NADK: variants seen among roughly 807,000 people sequenced by gnomAD.
The protein encoded by NADK is NAD kinase, also known as poly(P)/ATP NAD kinase.
Under a neutral mutation model 49.8 loss-of-function variants are expected in NADK, and 22 were observed. The observed-to-expected ratio is 0.44, with a 90% CI of 0.32 to 0.63. The LOEUF (loss-of-function observed/expected upper bound fraction) is 0.63. Among genes scored for constraint, NADK ranks in the 30% least tolerant of loss-of-function variants. The pLI is 0.06. For missense variants in NADK, 438 were observed against 609.4 expected (o/e 0.72, Z 2.96); for synonymous variants, 268 against 253.7 (o/e 1.06, Z -0.54).
intron 7 of NADK, 87 bp downstream of exon 7, chr1:1,755,287 A>C: frequency 2.2e-6 from 2 of 925,024 alleles, no homozygotes. Context: ...TCCATGCATC[A>C]TTAAATGAAA....
chr1:1,773,491 T>C (rs1397076522), intron 1 of NADK, among the ~76,000 whole-genome samples: 1 of 150,450 alleles, frequency 6.6e-6, no homozygotes, highest in Admixed American at 6.6e-5. Flanking sequence ...TGGCTCACAC[T>C]TGTAATCCCA....
chr1:1,754,640 C>T lies in NADK; in HGVS notation c.747G>A (p.Arg249=), dbSNP rs1300925595. ...RLKVRVVKEL[R]GKKTAVHNGL... is the part of the protein sequence containing the mutation. ...CATTGTGCACGGCCGTCTTCTTCCC[C>T]CGGAGCTCCTTCACCACCCTGACCT... Residue 249 remains arginine (R), a synonymous_variant, in exon 8 of 12, where the codon CGG becomes CGA. Transcript: ENST00000341426. The surrounding 1 kb of genome is among the most constrained non-coding windows in gnomAD (Gnocchi z 4.3). 3.1e-6 allele frequency: 5 copies of T among 1,613,956 alleles called. No individual in the cohort carries two copies. The highest frequency in any genetic ancestry group is 1.7e-6 in the Non-Finnish European group (2 of 1,180,004).
intron 1 of NADK, among the ~76,000 whole-genome samples, chr1:1,773,267 G>A (rs945391149): frequency 6.6e-6 from 1 of 151,028 alleles, no homozygotes; most frequent in African/African-American, 2.4e-5. Flanking sequence ...AGCCTCCTGA[G>A]TAGCTGGGAT....
chr1:1,756,213 C>G (rs767595722), intron 6 of NADK, 45 bp downstream of exon 6: 1 of 1,547,880 alleles, frequency 6.5e-7, no homozygotes, highest in Non-Finnish European at 8.9e-7. Context: ...TTACGCAGCA[C>G]CTAGACTAGA....
At chr1:1,767,527 TA>T (rs1262788394) in intron 1 of NADK, among the ~76,000 whole-genome samples, 3 of 152,006 alleles carry the variant, frequency 2.0e-5, no homozygotes, top group African/African-American at 7.3e-5. Flanking sequence ...ACAGAAACAA[TA>T]AAAATCACTC....
At chr1:1,757,377 T>C in intron 3 of NADK, 67 bp from the exon 4 acceptor site, 1 of 1,383,874 alleles carries the variant, frequency 7.2e-7, no homozygotes, top group Middle Eastern at 1.8e-4. Flanking sequence ...GTGTATGACT[T>C]AGAAAATAAA....
intron 6 of NADK, among the ~76,000 whole-genome samples, chr1:1,755,845 G>C (rs74663170): frequency 6.6e-6 from 1 of 152,166 alleles, no homozygotes; most frequent in Non-Finnish European, 1.5e-5. Context: ...GGGCATTTCC[G>C]GTGTCACCAA....
At chr1:1,764,383 C>T (rs1645822311) in intron 2 of NADK, among the ~76,000 whole-genome samples, 1 of 152,158 alleles carries the variant, frequency 6.6e-6, no homozygotes. Flanking sequence ...AAGCCCGGGG[C>T]GCTGTTGCCC....
intron 1 of NADK, among the ~76,000 whole-genome samples, chr1:1,765,931 A>G (rs1455066555): frequency 2.0e-5 from 3 of 151,982 alleles, no homozygotes; most frequent in Non-Finnish European, 4.4e-5. Flanking sequence ...CTGTAAAATA[A>G]TATTAACAAA....
At chr1:1,758,619 G>A (rs971786174) in intron 3 of NADK, 2 of 1,448,278 alleles carry the variant, frequency 1.4e-6, no homozygotes, top group African/African-American at 2.8e-5. Context: ...GATGAGACTT[G>A]GTAAAGTTGT....
rs1306608811 is a variant in NADK at position 1,754,150 on chromosome 1, G to A, written c.1002C>T (p.Ser334=). 5 of 1,612,214 alleles carry A rather than the reference G, an allele frequency of 3.1e-6. No individual in the cohort carries two copies. The highest frequency in any genetic ancestry group is 1.1e-5 in the South Asian group (1 of 91,028). The part of the protein sequence containing the change: ...STAYAAAAGA[S]MIHPNVPAIM... The stretch of plus-strand genomic sequence containing the variant: ...TGGCCGGCACGTTGGGGTGGATCAT[G>A]GAGGCCCCGGCCGCGGCCGCATACG... Residue 334 remains serine (S), a synonymous_variant, in exon 10 of 12, where the codon TCC becomes TCT. Transcript: ENST00000341426. The surrounding 1 kb of genome is among the most constrained non-coding windows in gnomAD (Gnocchi z 4.3).
chr1:1,757,855 G>A (rs919939373), intron 3 of NADK, among the ~76,000 whole-genome samples: 1 of 152,000 alleles, frequency 6.6e-6, no homozygotes, highest in Non-Finnish European at 1.5e-5. Flanking sequence ...CTGCATGAAC[G>A]GACTTTAACC....
intron 1 of NADK, among the ~76,000 whole-genome samples, chr1:1,774,004 G>A (rs1646135026): frequency 6.6e-6 from 1 of 151,686 alleles, no homozygotes; most frequent in African/African-American, 2.4e-5. Flanking sequence ...CAAAGCATTG[G>A]GATTACAGGC....
rs935268470 is a variant in NADK, at chr1:1,778,229, G to C, written c.-41+60C>G. ...CCGCCTGGCCGCGCGCTCGCGGGCA[G>C]CGATGACCCCAGGCAGCGGGCGACC... On this transcript the variant is annotated intron_variant, in intron 1 of 11. Transcript: ENST00000341426. This position sits in a 1 kb window ranked among gnomAD's most constrained non-coding sequence, Gnocchi z 4.9. 6.6e-6 allele frequency: 1 copy of C among 152,220 alleles called. No individual in the cohort carries two copies. The highest frequency in any genetic ancestry group is 1.5e-5 in the Non-Finnish European group (1 of 68,058). 9.4% of individuals were successfully genotyped at this position (152,220 alleles called of 1,614,324 possible).
chr1:1,772,928 C>T (rs1646094255), intron 1 of NADK, among the ~76,000 whole-genome samples: 1 of 151,582 alleles, frequency 6.6e-6, no homozygotes, highest in African/African-American at 2.4e-5. Flanking sequence ...GTAATCCCAG[C>T]CACTCGGGAG....
At chr1:1,756,650 C>A in intron 4 of NADK, 42 bp from the exon 5 acceptor site, 1 of 1,613,040 alleles carries the variant, frequency 6.2e-7, no homozygotes, top group Non-Finnish European at 8.5e-7. Flanking sequence ...CCTGCAGACC[C>A]CACCCTCCTG....
intron 1 of NADK, among the ~76,000 whole-genome samples, chr1:1,772,851 C>A (rs1251803059): frequency 1.3e-5 from 2 of 151,558 alleles, no homozygotes; most frequent in Admixed American, 1.3e-4. Flanking sequence ...ACCAGCCTGA[C>A]CAACATGCAG....
rs368975342 is a variant in NADK, at chr1:1,766,475, T to C, written c.-40-1029A>G. Among the ~76,000 whole-genome samples, 50 of 51,534 alleles carry C rather than the reference T, an allele frequency of 9.7e-4. 2 individuals carry two copies. The highest frequency in any genetic ancestry group is 2.4e-3 in the African/African-American group (42 of 17,168). The allele number at this position is 51,534 out of a possible 152,430, so 33.8% of individuals were successfully genotyped here. ...AGACAGGCTCTTTTCTCGTAAACAA[T>C]ACAACACATTAATGAGAGAGAAAGT... On this transcript the variant is annotated intron_variant, in intron 1 of 11. Coordinates refer to ENST00000341426, the MANE Select transcript of NADK (RefSeq NM_023018.5).
At chr1:1,777,465 A>G (rs1646245605) in intron 1 of NADK, among the ~76,000 whole-genome samples, 1 of 152,234 alleles carries the variant, frequency 6.6e-6, no homozygotes, top group Admixed American at 6.6e-5. Context: ...ATGGAACACA[A>G]GAAGAGAAGA....
Sources: allele counts gnomAD v4.1 joint callset (sites outside exome capture counted in the v4.1 genomes callset), GRCh38; gene constraint gnomAD v4.1.1; non-coding constraint Gnocchi (gnomAD v3.1); transcripts MANE v1.5; gene names NCBI Gene and HGNC (gene_info 2026-07-23, HGNC 2026-07-21).